SEPTIN7: variants seen among roughly 807,000 people sequenced by gnomAD.
The protein encoded by SEPTIN7 is septin-7.
Under a neutral mutation model 63.3 loss-of-function variants are expected in SEPTIN7, and 10 were observed. That is an observed-to-expected ratio of 0.16 (90% CI 0.10 to 0.27). SEPTIN7 has a LOEUF of 0.27. Ranked by LOEUF, SEPTIN7 falls within the 10% of genes least tolerant of loss-of-function variation. The probability of loss-of-function intolerance (pLI) is 1.00; values close to 1 mark genes in which losing one functional copy is unlikely to be tolerated. For synonymous variants in SEPTIN7, 131 were observed against 165.3 expected (o/e 0.79, Z 1.59); for missense variants, 310 against 521.0 (o/e 0.59, Z 3.94).
the SEPTIN7 span, among the ~76,000 whole-genome samples, chr7:35,915,157 G>A: frequency 6.6e-6 from 1 of 151,862 alleles, no homozygotes; most frequent in Non-Finnish European, 1.5e-5. Flanking sequence ...GTATACATGT[G>A]TACATATATA....
intron 1 of SEPTIN7, among the ~76,000 whole-genome samples, chr7:35,803,759 G>A (rs1199363859): frequency 2.0e-5 from 3 of 152,132 alleles, no homozygotes; most frequent in African/African-American, 7.2e-5. Flanking sequence ...GGACTGTAAA[G>A]ATAAACTTTA....
At chr7:35,807,651 C>G (rs1358261509) in intron 1 of SEPTIN7, among the ~76,000 whole-genome samples, 1 of 152,120 alleles carries the variant, frequency 6.6e-6, no homozygotes, top group Non-Finnish European at 1.5e-5. Context: ...GCGTGAGCCA[C>G]TGTGCCCTGC....
rs1188124500 is a variant in SEPTIN7, at chr7:35,905,344, A to G, written c.*1051A>G. The G allele has an allele frequency of 1.3e-5, 2 of 152,582 alleles. No individual in the cohort carries two copies. The highest frequency in any genetic ancestry group is 2.4e-5 in the African/African-American group (1 of 41,462). The allele number at this position is 152,582 out of a possible 1,614,324, so 9.5% of individuals were successfully genotyped here. On this transcript the variant is annotated 3_prime_UTR_variant, in exon 14 of 14. Transcript: ENST00000350320. ...GTCTTAAATATCCTACAGTCGATGT[A>G]CAAGAGTAGAGTATGTTTGGGAAGA...
the SEPTIN7 span, among the ~76,000 whole-genome samples, chr7:35,913,485 C>CCCTT: frequency 8.6e-4 from 128 of 149,238 alleles, no homozygotes; most frequent in African/African-American, 3.0e-3. Context: ...CCCCTTCCTT[C>CCCTT]CCTTCCTTCC....
At chr7:35,840,558 G>A (rs1167004897) in intron 3 of SEPTIN7, among the ~76,000 whole-genome samples, 1 of 151,992 alleles carries the variant, frequency 6.6e-6, no homozygotes, top group African/African-American at 2.4e-5. Flanking sequence ...GATTACAGGT[G>A]TGAGTCATCA....
Position 35,900,987 on chromosome 7 carries a change from T to C in SEPTIN7, c.1135-2089T>C, listed in dbSNP as rs947359178. 3.9e-5 allele frequency: 6 copies of C among 152,204 alleles called. No individual in the cohort carries two copies. In the East Asian group the frequency reaches 5.8e-4, roughly 15 times the overall value. 9.4% of individuals were successfully genotyped at this position (152,204 alleles called of 1,614,324 possible). A position where few individuals can be genotyped will look rare whatever the true frequency, so the allele number is the denominator to read the frequency against. Reference sequence around the variant, plus strand: ...CCTGTGATAATGAGTTTGCAAATCATCATGTATATGATACATGATATATAT... The same window carrying C: ...CCTGTGATAATGAGTTTGCAAATCACCATGTATATGATACATGATATATAT... On this transcript the variant is annotated intron_variant, in intron 12 of 13. Coordinates refer to ENST00000350320, the MANE Select transcript of SEPTIN7 (RefSeq NM_001788.6).
At chr7:35,804,652 CGTT>C (rs1788206358) in intron 1 of SEPTIN7, among the ~76,000 whole-genome samples, 1 of 152,042 alleles carries the variant, frequency 6.6e-6, no homozygotes, top group Non-Finnish European at 1.5e-5. Flanking sequence ...TACAGTTAGG[CGTT>C]GTTAACAATA....
At chr7:35,909,384 G>GGAAT (rs1452537337), downstream of SEPTIN7, among the ~76,000 whole-genome samples, 3 of 152,150 alleles carry the variant, frequency 2.0e-5, no homozygotes, top group Non-Finnish European at 4.4e-5. Context: ...TTTGGAAGAT[G>GGAAT]GAATGGAGGC....
chr7:35,882,217 T>C (rs540382083), intron 7 of SEPTIN7, among the ~76,000 whole-genome samples: 7 of 152,056 alleles, frequency 4.6e-5, no homozygotes, highest in African/African-American at 1.7e-4. Flanking sequence ...TTACATCCTT[T>C]TTGGAACTCT....
chr7:35,889,916 T>G (rs555963046), intron 10 of SEPTIN7, among the ~76,000 whole-genome samples: 2 of 152,212 alleles, frequency 1.3e-5, no homozygotes, highest in East Asian at 3.9e-4. Flanking sequence ...ATGGCAGATA[T>G]AGGAAGTTTG....
rs1583467777 is a variant in SEPTIN7, at chr7:35,801,114, C to A, written c.-96C>A. 9.7e-7 allele frequency: 1 copy of A among 1,028,160 alleles called. No homozygotes were observed. Among genetic ancestry groups the A allele is most frequent in the Non-Finnish European group, 1.4e-6 (1 of 739,914 alleles). The allele number at this position is 1,028,160 out of a possible 1,614,324, so 63.7% of individuals were successfully genotyped here. A position where few individuals can be genotyped will look rare whatever the true frequency, so the allele number is the denominator to read the frequency against. On this transcript the variant is annotated 5_prime_UTR_variant, in exon 1 of 14. Transcript: ENST00000350320. ...GCTGTAGCGTGCGTAAGCAAGGCAG[C>A]TACGCCGGGCGGCTACGCTGCGGAA...
chr7:35,844,537 A>G (rs1784561032), intron 3 of SEPTIN7, among the ~76,000 whole-genome samples: 1 of 152,222 alleles, frequency 6.6e-6, no homozygotes, highest in Non-Finnish European at 1.5e-5. Flanking sequence ...TCTGTCACAG[A>G]CAAGCTGTAT....
At chr7:35,841,337 C>CG (rs1363919726) in intron 3 of SEPTIN7, among the ~76,000 whole-genome samples, 1 of 152,082 alleles carries the variant, frequency 6.6e-6, no homozygotes, top group Non-Finnish European at 1.5e-5. Context: ...TTTAAAAAGT[C>CG]ATCAGTGTGA....
At chr7:35,846,484 A>G (rs1380982211) in intron 3 of SEPTIN7, among the ~76,000 whole-genome samples, 1 of 152,226 alleles carries the variant, frequency 6.6e-6, no homozygotes, top group Non-Finnish European at 1.5e-5. Context: ...ATCCTTGCCA[A>G]TATTGAGTGG....
chr7:35,894,564 A>C (rs1169873653), intron 11 of SEPTIN7, among the ~76,000 whole-genome samples: 1 of 152,188 alleles, frequency 6.6e-6, no homozygotes, highest in African/African-American at 2.4e-5. Flanking sequence ...ATGAAATTAT[A>C]ATGATAGTAG....
intron 11 of SEPTIN7, among the ~76,000 whole-genome samples, chr7:35,893,946 C>G (rs1787804334): frequency 6.6e-6 from 1 of 152,076 alleles, no homozygotes; most frequent in Non-Finnish European, 1.5e-5. Context: ...TGGAGCCATC[C>G]AAGTACTTCT....
chr7:35,878,129 A>G (rs769329228), intron 6 of SEPTIN7, among the ~76,000 whole-genome samples: 4 of 152,168 alleles, frequency 2.6e-5, no homozygotes, highest in African/African-American at 9.6e-5. Context: ...ACCCATCTGT[A>G]TGCAGGCAGG....
intron 1 of SEPTIN7, among the ~76,000 whole-genome samples, chr7:35,824,725 A>G (rs1381401836): frequency 6.6e-6 from 1 of 152,210 alleles, no homozygotes; most frequent in Admixed American, 6.5e-5. Context: ...GCATTGTCCA[A>G]TAGCAATTTG....
Position 35,801,287 on chromosome 7 carries a change from G to GT in SEPTIN7, c.61+17_61+18insT. On this transcript the variant is annotated intron_variant, in intron 1 of 13. Coordinates refer to ENST00000350320, the MANE Select transcript of SEPTIN7 (RefSeq NM_001788.6). ...GCACCATGGGTGAGTCTCAGCTTCGGGTGCCGCGACTTGGGGTCAGCGGCT... is the reference window on the plus strand; with the variant it reads ...GCACCATGGGTGAGTCTCAGCTTCGGTGTGCCGCGACTTGGGGTCAGCGGCT... 1 of 1,373,848 alleles carries GT rather than the reference G, an allele frequency of 7.3e-7. No individual in the cohort carries two copies. Among genetic ancestry groups the GT allele is most frequent in the Non-Finnish European group, 9.4e-7 (1 of 1,069,348 alleles). The allele number at this position is 1,373,848 out of a possible 1,614,324, so 85.1% of individuals were successfully genotyped here.
Sources: allele counts gnomAD v4.1 joint callset (sites outside exome capture counted in the v4.1 genomes callset), GRCh38; gene constraint gnomAD v4.1.1; transcripts MANE v1.5; gene names NCBI Gene and HGNC (gene_info 2026-07-23, HGNC 2026-07-21).